ABCC1: variants seen among roughly 807,000 people sequenced by gnomAD.
ABCC1 encodes the protein ATP binding cassette subfamily C member 1 (ABCC1 blood group).
ABCC1 carries 83 observed loss-of-function variants against 172.9 expected under a neutral mutation model. That is an observed-to-expected ratio of 0.48 (90% confidence interval 0.40 to 0.58). The LOEUF (loss-of-function observed/expected upper bound fraction) is 0.58, where lower values mean the gene tolerates loss of function less well. ABCC1 is among the 20% of genes least tolerant of loss of function. The probability of loss-of-function intolerance (pLI) is 0.00; values close to 1 mark genes in which losing one functional copy is unlikely to be tolerated. For missense variants in ABCC1, 1,817 were observed against 2,002.7 expected (o/e 0.91, Z 1.77); for synonymous variants, 937 against 825.2 (o/e 1.14, Z -2.32).
intron 12 of ABCC1, among the ~76,000 whole-genome samples, chr16:16,060,239 C>T (rs148604181): frequency 5.9e-5 from 9 of 152,186 alleles, no homozygotes; most frequent in African/African-American, 2.2e-4. Flanking sequence ...GGTTAGATTC[C>T]AAGCATGTCA....
At chr16:16,037,343 C>CA (rs2048795863) in intron 7 of ABCC1, among the ~76,000 whole-genome samples, 1 of 152,158 alleles carries the variant, frequency 6.6e-6, no homozygotes, top group South Asian at 2.1e-4. Flanking sequence ...TTAGGCTCTA[C>CA]CCCCTATGTA....
intron 1 of ABCC1, among the ~76,000 whole-genome samples, chr16:15,995,882 C>A (rs2047037874): frequency 6.6e-6 from 1 of 151,650 alleles, no homozygotes. Context: ...ACTCCATTGC[C>A]ACCTCTGGTC....
chr16:16,014,441 C>T (rs1403250767), intron 3 of ABCC1, 50 bp from the exon 4 acceptor site: 6 of 1,598,238 alleles, frequency 3.8e-6, no homozygotes, highest in Non-Finnish European at 8.5e-7. Flanking sequence ...GAGTGAAACT[C>T]TGTCTCAAAA....
intron 19 of ABCC1, among the ~76,000 whole-genome samples, chr16:16,095,974 G>A (rs1398951420): frequency 6.6e-6 from 1 of 152,074 alleles, no homozygotes; most frequent in African/African-American, 2.4e-5. Context: ...CTACAAAAGA[G>A]TACAAAGAAT....
intron 16 of ABCC1, among the ~76,000 whole-genome samples, chr16:16,081,874 G>A (rs533690194): frequency 1.1e-3 from 170 of 152,138 alleles, no homozygotes; most frequent in Non-Finnish European, 1.7e-3. Flanking sequence ...ACAAAAATTA[G>A]TGGGCCTGGT....
At chr16:15,991,856 C>T (rs1224509612) in intron 1 of ABCC1, among the ~76,000 whole-genome samples, 2 of 152,106 alleles carry the variant, frequency 1.3e-5, no homozygotes, top group Admixed American at 6.5e-5. Context: ...TCCCATCTCC[C>T]CTAGGATCTT....
chr16:16,036,653 C>T lies in ABCC1; in HGVS notation c.809+50C>T, dbSNP rs763919388. 1.3e-5 allele frequency: 20 copies of T among 1,598,498 alleles called. No homozygotes were observed. The South Asian group carries it at 2.3e-4, about 18-fold the overall frequency. On this transcript the variant is annotated intron_variant, in intron 7 of 30. Transcript: ENST00000399410. ...CAGGATGCCCTGGTCACCTCCTTTC[C>T]ACTCCTGTGGCCTCAATCCAGGATG...
At chr16:16,100,919 C>T (rs149649482) in intron 19 of ABCC1, among the ~76,000 whole-genome samples, 5 of 152,276 alleles carry the variant, frequency 3.3e-5, no homozygotes, top group Admixed American at 1.3e-4. Context: ...GAGCTCTAAT[C>T]GAGACTCATA....
chr16:16,141,125 G>A, intron 30 of ABCC1, 48 bp from the exon 31 acceptor site: 3 of 1,563,236 alleles, frequency 1.9e-6, no homozygotes, highest in East Asian at 2.2e-5. Flanking sequence ...GGGGCACGAG[G>A]TGCTCACCCC....
In ABCC1 at chr16:16,048,244, A is replaced by G. The variant is rs981827707; in HGVS notation, c.1321A>G (p.Ile441Val). The G allele has an allele frequency of 6.2e-7, 1 of 1,614,166 alleles. No individual in the cohort carries two copies. The highest frequency in any genetic ancestry group is 1.1e-5 in the South Asian group (1 of 91,080). ...GAGGTTCATGGACTTGGCCACGTACATTAACATGATCTGGTCAGCCCCCCT... is the reference window on the plus strand; with the variant it reads ...GAGGTTCATGGACTTGGCCACGTACGTTAACATGATCTGGTCAGCCCCCCT... ...AQRFMDLATY[I>V]NMIWSAPLQV... is the part of the protein sequence containing the mutation. The change falls in exon 10 of 31, where the codon ATT (isoleucine) becomes GTT (valine). Residue 441 changes from isoleucine (I) to valine (V), a missense_variant. Physicochemically the swap from Ile to Val is conservative, Grantham distance 29. Around this residue, in one of 3 missense-constraint regions of ABCC1, gnomAD observed 1,412 missense variants for 1,600.3 expected, o/e 0.88. Coordinates refer to ENST00000399410, the MANE Select transcript of ABCC1 (RefSeq NM_004996.4).
chr16:16,091,152 G>A (rs1054321332), intron 19 of ABCC1, among the ~76,000 whole-genome samples: 5 of 152,048 alleles, frequency 3.3e-5, no homozygotes, highest in East Asian at 1.9e-4. Flanking sequence ...AGGGCCAGAC[G>A]TGGTGGTTCC....
intron 14 of ABCC1, among the ~76,000 whole-genome samples, chr16:16,075,611 C>T (rs1431971469): frequency 6.6e-6 from 1 of 152,138 alleles, no homozygotes; most frequent in Non-Finnish European, 1.5e-5. Context: ...AGCCTGGGTG[C>T]AGAAGCCAGA....
intron 1 of ABCC1, among the ~76,000 whole-genome samples, chr16:15,979,384 G>A (rs866129595): frequency 6.6e-6 from 1 of 152,218 alleles, no homozygotes; most frequent in Admixed American, 6.5e-5. Context: ...AGATGATAAA[G>A]TGAGGTCTAA....
chr16:15,956,363 T>TAA (rs534755907), intron 1 of ABCC1, among the ~76,000 whole-genome samples: 2 of 144,020 alleles, frequency 1.4e-5, no homozygotes, highest in African/African-American at 5.1e-5. Context: ...AGACTCTGTC[T>TAA]AAAAAAAAAA....
At chr16:16,115,161 A>G in intron 23 of ABCC1, 85 bp downstream of exon 23, 5 of 1,410,128 alleles carry the variant, frequency 3.5e-6, no homozygotes, top group Non-Finnish European at 4.8e-6. Flanking sequence ...TTATCTTACC[A>G]TGTCCCCAGT....
At chr16:16,044,820 T>G in intron 8 of ABCC1, 140 bp downstream of exon 8, 1 of 785,228 alleles carries the variant, frequency 1.3e-6, no homozygotes, top group South Asian at 1.9e-5. Flanking sequence ...ACTTTAGCTT[T>G]TTTGAAAAAA....
intron 5 of ABCC1, among the ~76,000 whole-genome samples, chr16:16,021,876 C>T (rs763245636): frequency 3.2e-4 from 48 of 152,294 alleles, no homozygotes; most frequent in Middle Eastern, 6.8e-3. Flanking sequence ...GGGACGTCAG[C>T]AGCCCCTTCT....
chr16:15,983,964 G>A (rs1009735142), intron 1 of ABCC1, among the ~76,000 whole-genome samples: 19 of 152,084 alleles, frequency 1.2e-4, no homozygotes, highest in Admixed American at 1.2e-3. Context: ...AGTAACCTGG[G>A]CCTTTTCCCT....
intron 5 of ABCC1, among the ~76,000 whole-genome samples, chr16:16,020,944 T>C (rs2048173068): frequency 1.3e-5 from 2 of 152,184 alleles, no homozygotes; most frequent in African/African-American, 2.4e-5. Context: ...CGACTGGCTG[T>C]TGTGCACAAT....
Sources: gnomAD v4.1 joint callset for allele counts (sites outside exome capture counted in the v4.1 genomes callset) on GRCh38, gnomAD v4.1.1 for gene constraint, gnomAD v4.1.1 regional missense constraint, MANE v1.5 for transcripts, NCBI Gene and HGNC (gene_info 2026-07-23, HGNC 2026-07-21) for gene names.